The following INTS14 variants were observed in gnomAD, a reference collection of about 807,000 sequenced individuals.
The protein encoded by INTS14 is integrator complex subunit 14.
In INTS14, 27 loss-of-function variants were observed where a neutral mutation model predicts 56.9. The ratio of observed to expected loss-of-function variants is 0.47; its 90% CI spans 0.35 to 0.65. INTS14 has a LOEUF of 0.65. Among genes scored for constraint, INTS14 ranks in the 30% least tolerant of loss-of-function variants. The pLI, the probability that INTS14 is intolerant of heterozygous loss-of-function variation, is 0.00. For synonymous variants in INTS14, 207 were observed against 236.2 expected (o/e 0.88, Z 1.13); for missense variants, 517 against 632.2 (o/e 0.82, Z 1.95).
chr15:65,583,465 A>G (rs2072701803), intron 10 of INTS14, among the ~76,000 whole-genome samples: 1 of 152,238 alleles, frequency 6.6e-6, no homozygotes, highest in South Asian at 2.1e-4. Flanking sequence ...TGTTTACATG[A>G]AATATCTAGA....
In INTS14 at chr15:65,582,028, G is replaced by C; in HGVS notation, c.1240-9C>G. On this transcript the variant is annotated splice_polypyrimidine_tract_variant and intron_variant, in intron 10 of 11. Coordinates refer to ENST00000313182, the MANE Select transcript of INTS14 (RefSeq NM_001394796.1). ...ATCTTCTGTACATCTGTCTATTAAG[G>C]GTAAAAAAAAAAATCCAACATTAGA... 1 of 1,573,274 alleles carries C rather than the reference G, an allele frequency of 6.4e-7. No individual in the cohort carries two copies. Among genetic ancestry groups the C allele is most frequent in the Non-Finnish European group, 8.6e-7 (1 of 1,167,410 alleles).
chr15:65,596,114 C>A (rs999355869), intron 6 of INTS14, among the ~76,000 whole-genome samples: 1 of 152,182 alleles, frequency 6.6e-6, no homozygotes, highest in African/African-American at 2.4e-5. Flanking sequence ...AAGGTCTAAT[C>A]CCTCTGTGTA....
intron 1 of INTS14, 111 bp from the exon 2 acceptor site, chr15:65,607,553 G>C: frequency 8.1e-7 from 1 of 1,241,972 alleles, no homozygotes; most frequent in Non-Finnish European, 1.1e-6. Flanking sequence ...TTTAAGTTGA[G>C]GTGAGGAATA....
At chr15:65,595,009 G>A (rs1229755834) in intron 7 of INTS14, among the ~76,000 whole-genome samples, 3 of 152,186 alleles carry the variant, frequency 2.0e-5, no homozygotes, top group African/African-American at 7.2e-5. Context: ...ACTACATACA[G>A]TTCTTAGAGA....
At chr15:65,593,885 G>T (rs2073119188) in intron 7 of INTS14, among the ~76,000 whole-genome samples, 1 of 152,120 alleles carries the variant, frequency 6.6e-6, no homozygotes, top group Admixed American at 6.6e-5. Flanking sequence ...AGGGTACAGG[G>T]TTTCTTTTTG....
At position 65,584,999 on chromosome 15, in the gene INTS14, T is replaced by C. The variant is rs2072765006; in HGVS notation, c.1121-111A>G. 6.7e-6 allele frequency: 6 copies of C among 893,546 alleles called. No homozygotes were observed. In the Admixed American group the frequency reaches 1.7e-4, roughly 26 times the overall value. 55.4% of individuals were successfully genotyped at this position (893,546 alleles called of 1,614,324 possible). On this transcript the variant is annotated intron_variant, in intron 9 of 11. Coordinates refer to ENST00000313182, the MANE Select transcript of INTS14 (RefSeq NM_001394796.1). ...CTCAATCTTTGATATCCTATCACTT[T>C]GTTAATTAAGAAAATCCATTAACTT... is the stretch of plus-strand genomic sequence containing the variant.
At chr15:65,582,253 A>T (rs1425063433) in intron 10 of INTS14, among the ~76,000 whole-genome samples, 1 of 152,222 alleles carries the variant, frequency 6.6e-6, no homozygotes, top group Non-Finnish European at 1.5e-5. Context: ...CCTCATAAAA[A>T]TGTACCCAGT....
intron 2 of INTS14, 44 bp downstream of exon 2, chr15:65,607,115 T>C: frequency 6.3e-7 from 1 of 1,598,436 alleles, no homozygotes; most frequent in South Asian, 1.1e-5. Flanking sequence ...TTCCTCCCAA[T>C]AAATTTAGGC....
chr15:65,600,672 A>C (rs961770822), intron 3 of INTS14, among the ~76,000 whole-genome samples: 1 of 151,980 alleles, frequency 6.6e-6, no homozygotes, highest in African/African-American at 2.4e-5. Context: ...AAAAACAACA[A>C]AAAAAGGCAC....
Position 65,579,298 on chromosome 15 carries a change from C to T in INTS14, c.*110G>A, listed in dbSNP as rs2072486899. The T allele has an allele frequency of 6.8e-7, 1 of 1,461,206 alleles. No homozygotes were observed. The highest frequency in any genetic ancestry group is 1.4e-5 in the African/African-American group (1 of 70,736). The allele number at this position is 1,461,206 out of a possible 1,614,324, so 90.5% of individuals were successfully genotyped here. A position where few individuals can be genotyped will look rare whatever the true frequency, so the allele number is the denominator to read the frequency against. On this transcript the variant is annotated 3_prime_UTR_variant, in exon 12 of 12. Transcript: ENST00000313182. ...CAGCAAGTGGTGCTTCTGAGGCAGC[C>T]TCAGGAAGGTCTTTGGGTGGCTATT... is the stretch of plus-strand genomic sequence containing the variant.
intron 6 of INTS14, among the ~76,000 whole-genome samples, chr15:65,596,836 C>A (rs1471101645): frequency 6.6e-6 from 1 of 152,136 alleles, no homozygotes; most frequent in African/African-American, 2.4e-5. Flanking sequence ...ACTGCTGGGA[C>A]TACAGGTGTG....
chr15:65,606,592 C>G (rs2073664312), intron 2 of INTS14, among the ~76,000 whole-genome samples: 1 of 152,074 alleles, frequency 6.6e-6, no homozygotes, highest in South Asian at 2.1e-4. Flanking sequence ...GGGTAAGACA[C>G]TGTGTTAGGC....
chr15:65,608,865 T>C (rs2073750123), intron 1 of INTS14, among the ~76,000 whole-genome samples: 1 of 152,214 alleles, frequency 6.6e-6, no homozygotes, highest in Admixed American at 6.5e-5. Flanking sequence ...GGTGCCCAGC[T>C]GCAAATGTGT....
At chr15:65,601,397 C>T (rs189977247) in intron 3 of INTS14, among the ~76,000 whole-genome samples, 12 of 152,120 alleles carry the variant, frequency 7.9e-5, no homozygotes, top group East Asian at 7.7e-4. Context: ...GGCTGGAGTG[C>T]GGTGGCGTGA....
chr15:65,587,040 G>A (rs931630270), intron 9 of INTS14: 1 of 152,256 alleles, frequency 6.6e-6, no homozygotes, highest in African/African-American at 2.4e-5. Flanking sequence ...ACTTTCCGTA[G>A]CAACACTGGA....
chr15:65,586,829 A>C (rs1224928586), intron 9 of INTS14: 1 of 152,228 alleles, frequency 6.6e-6, no homozygotes, highest in Admixed American at 6.5e-5. Flanking sequence ...ATACAGAAAG[A>C]GGAAATCAAA....
intron 11 of INTS14, 87 bp from the exon 12 acceptor site, chr15:65,579,746 T>C (rs967338554): frequency 1.3e-6 from 2 of 1,492,794 alleles, no homozygotes; most frequent in African/African-American, 1.4e-5. Context: ...TAAGTTCTCC[T>C]TGACTGAACT....
At chr15:65,607,028 A>C in intron 2 of INTS14, 131 bp downstream of exon 2, 1 of 1,133,678 alleles carries the variant, frequency 8.8e-7, no homozygotes. Context: ...CTTGCTGTTT[A>C]GTTACACATA....
chr15:65,602,986 C>T (rs1312269578), intron 3 of INTS14, among the ~76,000 whole-genome samples: 4 of 152,166 alleles, frequency 2.6e-5, no homozygotes, highest in Non-Finnish European at 4.4e-5. Flanking sequence ...ATCTGAATTT[C>T]TCCTCTAAAA....
Sources: gnomAD v4.1 joint callset for allele counts (sites outside exome capture counted in the v4.1 genomes callset) on GRCh38, gnomAD v4.1.1 for gene constraint, MANE v1.5 for transcripts, NCBI Gene and HGNC (gene_info 2026-07-23, HGNC 2026-07-21) for gene names.